LIPA: variants seen among roughly 807,000 people sequenced by gnomAD.
LIPA encodes lysosomal acid lipase/cholesteryl ester hydrolase.
LIPA carries 26 observed loss-of-function variants against 40.6 expected under a neutral mutation model. The observed-to-expected ratio is 0.64, with a 90% CI of 0.47 to 0.89. LIPA has a LOEUF of 0.89. Ranked by LOEUF, LIPA falls within the 40% of genes least tolerant of loss-of-function variation. LIPA has a pLI of 0.00. For synonymous variants in LIPA, 188 were observed against 168.4 expected (o/e 1.12, Z -0.90); for missense variants, 455 against 479.6 (o/e 0.95, Z 0.48).
upstream of LIPA, among the ~76,000 whole-genome samples, chr10:89,345,297 G>A (rs543428110): frequency 1.3e-5 from 2 of 151,642 alleles, no homozygotes; most frequent in African/African-American, 2.4e-5. Context: ...GGGAGGCTGA[G>A]GTGAGCAGAT....
At chr10:89,299,807 C>T (rs1426544166) in intron 1 of LIPA, among the ~76,000 whole-genome samples, 1 of 151,654 alleles carries the variant, frequency 6.6e-6, no homozygotes, top group Non-Finnish European at 1.5e-5. Context: ...AACTCTTATA[C>T]ACTGTTGGTA....
At chr10:89,339,800 G>A in intron 1 of LIPA, 1 of 1,614,172 alleles carries the variant, frequency 6.2e-7, no homozygotes, top group South Asian at 1.1e-5. Context: ...GTGCAACATG[G>A]TTTAGAGGGT....
At chr10:89,267,591 AG>A (rs906822578) in intron 1 of LIPA, among the ~76,000 whole-genome samples, 1 of 12,242 alleles carries the variant, frequency 8.2e-5, no homozygotes, top group Admixed American at 1.2e-3. Flanking sequence ...GGGTGGGGGG[AG>A]GGGGGAGGGG....
chr10:89,250,877 A>T (rs1417209289), intron 1 of LIPA, among the ~76,000 whole-genome samples: 1 of 152,224 alleles, frequency 6.6e-6, no homozygotes, highest in Non-Finnish European at 1.5e-5. Flanking sequence ...TTCCAGGCTG[A>T]ATTAAGTGTG....
intron 1 of LIPA, among the ~76,000 whole-genome samples, chr10:89,249,489 A>G (rs1376016509): frequency 6.6e-6 from 1 of 152,252 alleles, no homozygotes; most frequent in African/African-American, 2.4e-5. Flanking sequence ...TAATAGACAA[A>G]AACTGGAAAA....
chr10:89,351,171 C>T (rs981911554), intron 2 of LIPA, among the ~76,000 whole-genome samples: 1 of 151,984 alleles, frequency 6.6e-6, no homozygotes, highest in Non-Finnish European at 1.5e-5. Flanking sequence ...CAAAAATTAG[C>T]GAGGTGTGGT....
Position 89,393,462 on chromosome 10 carries a change from G to A in LIPA, c.61+19329C>T, listed in dbSNP as rs955289553. ...AAAACCATTACTTAGGCCGGGCAAG[G>A]GGGCTCATGCTTGTAATCCCAGCAC... On this transcript the variant is annotated intron_variant, in intron 2 of 8. Coordinates refer to the LIPA transcript ENST00000371837. 25 of 447,590 alleles carry A rather than the reference G, an allele frequency of 5.6e-5. No individual in the cohort carries two copies. The East Asian group carries it at 1.6e-3, about 29-fold the overall frequency. The allele number at this position is 447,590 out of a possible 1,614,324, so 27.7% of individuals were successfully genotyped here. A position where few individuals can be genotyped will look rare whatever the true frequency, so the allele number is the denominator to read the frequency against.
At chr10:89,414,671 G>T (rs1406193352), upstream of LIPA, 1 of 1,093,802 alleles carries the variant, frequency 9.1e-7, no homozygotes, top group Admixed American at 3.6e-5. Context: ...GAGTCCAGGG[G>T]CTGCAGAGGC....
intron 2 of LIPA, among the ~76,000 whole-genome samples, chr10:89,408,005 G>A (rs533873363): frequency 6.0e-4 from 92 of 152,332 alleles, no homozygotes; most frequent in Admixed American, 1.0e-3. Context: ...GCATCAGTGA[G>A]TGCAACTATT....
chr10:89,397,655 C>G (rs953477820), intron 2 of LIPA, among the ~76,000 whole-genome samples: 2 of 151,664 alleles, frequency 1.3e-5, no homozygotes, highest in Non-Finnish European at 2.9e-5. Flanking sequence ...AGATTATAGG[C>G]ATGAGTCATT....
At chr10:89,278,017 C>T (rs1388921731) in intron 1 of LIPA, 2 of 152,100 alleles carry the variant, frequency 1.3e-5, no homozygotes, top group Non-Finnish European at 2.9e-5. Context: ...GTGAGAACCC[C>T]TCATACAATC....
rs1843015929 is a variant in LIPA, at chr10:89,245,760, C to CACTAGGGAA, written c.136_144dup (p.Phe46_Ser48dup). ...TCTTCTGTCTCAACTAGGTATTCCTCACTAGGGAATCCCCAGTAAGAGATA... is the reference window on the plus strand; with the variant it reads ...TCTTCTGTCTCAACTAGGTATTCCTCACTAGGGAAACTAGGGAATCCCCAGTAAGAGATA... On this transcript the variant is annotated inframe_insertion, in exon 3 of 10. Coordinates refer to ENST00000336233, the MANE Select transcript of LIPA (RefSeq NM_000235.4). 1 of 1,595,380 alleles carries CACTAGGGAA rather than the reference C, an allele frequency of 6.3e-7. No individual in the cohort carries two copies. Among genetic ancestry groups the CACTAGGGAA allele is most frequent in the Non-Finnish European group, 8.6e-7 (1 of 1,163,078 alleles).
intron 1 of LIPA, among the ~76,000 whole-genome samples, chr10:89,323,057 T>C (rs1843580497): frequency 6.6e-6 from 1 of 152,234 alleles, no homozygotes. Flanking sequence ...CCATGCCTGC[T>C]AGAGCTTCCA....
intron 2 of LIPA, among the ~76,000 whole-genome samples, chr10:89,386,453 CTATT>C (rs1391458031): frequency 2.6e-5 from 4 of 152,196 alleles, no homozygotes; most frequent in Non-Finnish European, 5.9e-5. Flanking sequence ...GAGGAAACTA[CTATT>C]GACTTTTCCC....
intron 2 of LIPA, among the ~76,000 whole-genome samples, chr10:89,363,770 C>T (rs962357044): frequency 1.0e-4 from 7 of 67,666 alleles, no homozygotes; most frequent in Admixed American, 6.7e-4. Context: ...GAGCCAGACT[C>T]CATCAAAAAA....
intron 2 of LIPA, among the ~76,000 whole-genome samples, chr10:89,355,136 T>A (rs1242120963): frequency 6.6e-6 from 1 of 152,194 alleles, no homozygotes; most frequent in Admixed American, 6.5e-5. Context: ...AAGTTGTGAA[T>A]TGTTTAACCT....
intron 1 of LIPA, among the ~76,000 whole-genome samples, chr10:89,320,859 C>T (rs1055464845): frequency 2.6e-5 from 4 of 151,520 alleles, no homozygotes; most frequent in Non-Finnish European, 5.9e-5. Context: ...GGTACTGGTA[C>T]CAAAACAGAG....
chr10:89,344,430 C>G (rs141780435), upstream of LIPA, among the ~76,000 whole-genome samples: 13 of 152,180 alleles, frequency 8.5e-5, no homozygotes, highest in East Asian at 2.5e-3. Flanking sequence ...AAAACCAGGA[C>G]CCATTCAGAG....
At chr10:89,245,047 T>C (rs1843006675) in intron 3 of LIPA, among the ~76,000 whole-genome samples, 1 of 152,184 alleles carries the variant, frequency 6.6e-6, no homozygotes, top group Admixed American at 6.5e-5. Flanking sequence ...GATACAGTCA[T>C]ATAGTGAAAT....
Sources: gnomAD v4.1 joint callset for allele counts (sites outside exome capture counted in the v4.1 genomes callset) on GRCh38, gnomAD v4.1.1 for gene constraint, MANE v1.5 for transcripts, NCBI Gene and HGNC (gene_info 2026-07-23, HGNC 2026-07-21) for gene names.